SDK1: variants seen among roughly 807,000 people sequenced by gnomAD.
SDK1 encodes the protein protein sidekick-1.
A neutral mutation model predicts 245.5 loss-of-function variants in SDK1; 157 were observed. The observed-to-expected ratio is 0.64, with a 90% confidence interval of 0.56 to 0.73. SDK1 has a LOEUF of 0.73. SDK1 is among the 30% of genes least tolerant of loss of function. The pLI, the probability that SDK1 is intolerant of heterozygous loss-of-function variation, is 0.00. For missense variants in SDK1, 3,583 were observed against 3,002.3 expected, an observed-to-expected ratio of 1.19 and a Z score of -4.52; for synonymous variants, 1,647 against 1,278.5, an observed-to-expected ratio of 1.29 and a Z score of -6.15.
At position 3,832,198 on chromosome 7, in the gene SDK1, A is replaced by T. The variant is rs1355584070; in HGVS notation, c.847+10615A>T. Among the ~76,000 whole-genome samples the T allele has an allele frequency of 4.6e-5, 7 of 152,326 alleles. No homozygotes were observed. In the South Asian group the frequency reaches 1.5e-3, roughly 32 times the overall value. On this transcript the variant is annotated intron_variant, in intron 5 of 44. Transcript: ENST00000404826. ...TACTTTCACTAATCTTATGCAGTTG[A>T]TTACGTGGGTTAGTTTTGAACCCAG...
intron 1 of SDK1, among the ~76,000 whole-genome samples, chr7:3,459,111 T>C (rs74985382): frequency 1.3e-4 from 20 of 152,180 alleles, no homozygotes; most frequent in African/African-American, 4.3e-4. Context: ...GACATCATTA[T>C]AGTATTGTAT....
At chr7:3,385,234 C>A (rs1781581228) in intron 1 of SDK1, among the ~76,000 whole-genome samples, 1 of 152,106 alleles carries the variant, frequency 6.6e-6, no homozygotes, top group Non-Finnish European at 1.5e-5. Flanking sequence ...CCTTGTAAGA[C>A]TGTTGAAATA....
chr7:4,083,821 C>T (rs1030237271), intron 22 of SDK1, among the ~76,000 whole-genome samples: 7 of 134,600 alleles, frequency 5.2e-5, no homozygotes, highest in African/African-American at 2.1e-4. Flanking sequence ...CTTTCTTCCT[C>T]TCTCCCTTCC....
chr7:4,171,259 G>A (rs1437193839), intron 32 of SDK1, among the ~76,000 whole-genome samples: 1 of 152,198 alleles, frequency 6.6e-6, no homozygotes, highest in East Asian at 1.9e-4. Context: ...ACCCTGGAGA[G>A]ACCCTCATCT....
intron 1 of SDK1, among the ~76,000 whole-genome samples, chr7:3,539,247 T>G (rs1778984697): frequency 6.6e-6 from 1 of 152,172 alleles, no homozygotes; most frequent in African/African-American, 2.4e-5. Context: ...CTATAAATAC[T>G]TTTTCCAGTT....
At chr7:3,830,487 ATTTTG>A (rs894222423) in intron 5 of SDK1, among the ~76,000 whole-genome samples, 3 of 151,942 alleles carry the variant, frequency 2.0e-5, no homozygotes, top group Non-Finnish European at 4.4e-5. Context: ...AGTAACCCTA[ATTTTG>A]TTTTGTTTTG....
At chr7:3,891,739 G>A (rs1168629277) in intron 5 of SDK1, among the ~76,000 whole-genome samples, 1 of 152,172 alleles carries the variant, frequency 6.6e-6, no homozygotes, top group African/African-American at 2.4e-5. Flanking sequence ...AGGTTTCGGC[G>A]CAAGAGCCAA....
At chr7:3,700,843 T>C (rs919726222) in intron 4 of SDK1, among the ~76,000 whole-genome samples, 1 of 152,188 alleles carries the variant, frequency 6.6e-6, no homozygotes, top group Non-Finnish European at 1.5e-5. Context: ...CCACCTTTTT[T>C]CCCCTTATTT....
intron 30 of SDK1, among the ~76,000 whole-genome samples, chr7:4,155,928 A>G (rs552342460): frequency 6.6e-6 from 1 of 152,312 alleles, no homozygotes; most frequent in South Asian, 2.1e-4. Flanking sequence ...GGGAAGGAAC[A>G]GGGCACGGGG....
chr7:4,170,635 A>T (rs1384448951), intron 32 of SDK1, among the ~76,000 whole-genome samples: 1 of 152,128 alleles, frequency 6.6e-6, no homozygotes, highest in Non-Finnish European at 1.5e-5. Context: ...GCCCACTCCT[A>T]GCACAAGGGA....
intron 1 of SDK1, among the ~76,000 whole-genome samples, chr7:3,398,768 G>T (rs893328566): frequency 2.9e-5 from 4 of 136,968 alleles, no homozygotes; most frequent in Non-Finnish European, 4.7e-5. Context: ...GCCCCCAGTA[G>T]TTTTTTTTTT....
intron 1 of SDK1, among the ~76,000 whole-genome samples, chr7:3,407,130 C>G (rs1247560370): frequency 2.0e-5 from 3 of 152,178 alleles, no homozygotes; most frequent in East Asian, 1.9e-4. Context: ...TACTGCTCTG[C>G]ACTAATGATG....
At chr7:3,659,743 C>T (rs965458460) in intron 4 of SDK1, among the ~76,000 whole-genome samples, 9 of 152,124 alleles carry the variant, frequency 5.9e-5, no homozygotes, top group Non-Finnish European at 7.3e-5. Flanking sequence ...GAAGGAGAAG[C>T]GGAGAGAATA....
intron 17 of SDK1, among the ~76,000 whole-genome samples, chr7:4,033,707 G>A (rs1788007280): frequency 1.3e-5 from 2 of 152,034 alleles, no homozygotes; most frequent in Admixed American, 6.6e-5. Flanking sequence ...AGGAGAATAC[G>A]CTCAACCTTA....
intron 40 of SDK1, among the ~76,000 whole-genome samples, chr7:4,226,944 T>C (rs1785482363): frequency 6.6e-6 from 1 of 152,060 alleles, no homozygotes; most frequent in Admixed American, 6.5e-5. Context: ...GCATTTTTTT[T>C]TTTTTTCTTA....
rs549425067 is a variant in SDK1, at chr7:3,613,185, C to T, written c.299-5895C>T. Among the ~76,000 whole-genome samples, 34 of 152,196 alleles carry T rather than the reference C, an allele frequency of 2.2e-4. No homozygotes were observed. In the South Asian group the frequency reaches 6.4e-3, roughly 29 times the overall value. On this transcript the variant is annotated intron_variant, in intron 1 of 44. Coordinates refer to ENST00000404826, the MANE Select transcript of SDK1 (RefSeq NM_152744.4). Reference sequence around the variant, plus strand: ...TTGTGGAACAGCAATGAAAATCCATCGCAAGACCCCCTTTCTTGATGTTAG... The same window carrying T: ...TTGTGGAACAGCAATGAAAATCCATTGCAAGACCCCCTTTCTTGATGTTAG...
chr7:3,669,503 A>G (rs998983518), intron 4 of SDK1, among the ~76,000 whole-genome samples: 3 of 144,810 alleles, frequency 2.1e-5, no homozygotes, highest in Non-Finnish European at 4.5e-5. Flanking sequence ...TTCTTTAACC[A>G]CTCTCTTCTT....
chr7:3,994,755 C>G (rs1429923751), intron 14 of SDK1, among the ~76,000 whole-genome samples: 2 of 152,078 alleles, frequency 1.3e-5, no homozygotes, highest in Non-Finnish European at 2.9e-5. Flanking sequence ...GCATTTTTAT[C>G]AAATCCACTG....
At chr7:3,675,882 T>C (rs1230712978) in intron 4 of SDK1, among the ~76,000 whole-genome samples, 1 of 152,202 alleles carries the variant, frequency 6.6e-6, no homozygotes, top group East Asian at 1.9e-4. Context: ...TTGGGTTGTT[T>C]TTTGCTTGCT....
Sources: gnomAD v4.1 joint callset for allele counts (sites outside exome capture counted in the v4.1 genomes callset) on GRCh38, gnomAD v4.1.1 for gene constraint, MANE v1.5 for transcripts, NCBI Gene and HGNC (gene_info 2026-07-23, HGNC 2026-07-21) for gene names.